Variants in IL1RAPL2 observed in about 807,000 individuals in gnomAD.
IL1RAPL2 encodes the protein X-linked interleukin-1 receptor accessory protein-like 2.
Under a neutral mutation model 44.1 loss-of-function variants are expected in IL1RAPL2, and 3 were observed. The ratio of observed to expected loss-of-function variants is 0.07; its 90% CI spans 0.03 to 0.18. The LOEUF (loss-of-function observed/expected upper bound fraction) is 0.18. Ranked by LOEUF, IL1RAPL2 falls within the 10% of genes least tolerant of loss-of-function variation. IL1RAPL2 has a pLI of 1.00. For synonymous variants in IL1RAPL2, 181 were observed against 178.8 expected, an observed-to-expected ratio of 1.01 and a Z score of -0.10; for missense variants, 391 against 496.4, an observed-to-expected ratio of 0.79 and a Z score of 2.02.
chrX:104,597,818 T>C (rs1426873927), intron 1 of IL1RAPL2, among the ~76,000 whole-genome samples: 1 of 111,936 alleles, frequency 8.9e-6, no homozygotes, highest in Non-Finnish European at 1.9e-5. Context: ...AGCAGGTTTT[T>C]TGGGGAAGGT....
chrX:104,875,582 G>A (rs1252566538), intron 2 of IL1RAPL2, among the ~76,000 whole-genome samples: 2 of 111,254 alleles, frequency 1.8e-5, no homozygotes, highest in African/African-American at 6.5e-5. Context: ...CCCATTCCCC[G>A]TAGTGCCTGA....
chrX:104,696,138 T>C (rs1434323327), intron 2 of IL1RAPL2, among the ~76,000 whole-genome samples: 1 of 110,913 alleles, frequency 9.0e-6, no homozygotes, highest in Admixed American at 9.5e-5. Flanking sequence ...CACTGAGGAG[T>C]GGGGAGTGTA....
rs923669750 is a variant in IL1RAPL2, at chrX:104,864,870, A to G, written c.82+205875A>G. ...TACTGGACACTGGCTCTGAGCTGAC[A>G]TTGATTCCAGAGGGACCCAGAATGT... On this transcript the variant is annotated intron_variant, in intron 2 of 10. Transcript: ENST00000372582. Among the ~76,000 whole-genome samples the G allele has an allele frequency of 1.1e-3, 3 of 2,712 alleles. No individual in the cohort carries two copies. The East Asian group carries it at 0.035, about 32-fold the overall frequency. The allele number at this position is 2,712 out of a possible 115,157, so 2.4% of individuals were successfully genotyped here. A position where few individuals can be genotyped will look rare whatever the true frequency, so the allele number is the denominator to read the frequency against.
intron 2 of IL1RAPL2, among the ~76,000 whole-genome samples, chrX:104,964,164 A>G (rs2030067139): frequency 9.0e-6 from 1 of 111,018 alleles, no homozygotes; most frequent in Non-Finnish European, 1.9e-5. Flanking sequence ...ATTCCTAAAC[A>G]AAAGCTTCAG....
intron 1 of IL1RAPL2, among the ~76,000 whole-genome samples, chrX:104,608,446 C>G (rs1602641394): frequency 9.1e-6 from 1 of 110,288 alleles, no homozygotes; most frequent in East Asian, 2.8e-4. Context: ...TTAAAGTTTC[C>G]CATTATTATT....
intron 2 of IL1RAPL2, among the ~76,000 whole-genome samples, chrX:104,799,458 T>C (rs1043901515): frequency 3.6e-5 from 4 of 110,988 alleles, no homozygotes; most frequent in African/African-American, 1.3e-4. Context: ...TTATGGAGCT[T>C]GGCAGGGGGA....
At chrX:105,467,952 G>A (rs1264062648) in intron 5 of IL1RAPL2, among the ~76,000 whole-genome samples, 2 of 111,679 alleles carry the variant, frequency 1.8e-5, no homozygotes, top group African/African-American at 6.5e-5. Flanking sequence ...GTCTAGTAGC[G>A]GTACCTAGAA....
intron 6 of IL1RAPL2, among the ~76,000 whole-genome samples, chrX:105,645,775 A>C (rs749294897): frequency 3.6e-5 from 4 of 111,871 alleles, no homozygotes; most frequent in Non-Finnish European, 7.5e-5. Context: ...GGTAGCTAAT[A>C]TTATGGTTGG....
At chrX:105,078,736 C>T (rs1243121116) in intron 2 of IL1RAPL2, among the ~76,000 whole-genome samples, 5 of 111,654 alleles carry the variant, frequency 4.5e-5, no homozygotes, top group African/African-American at 1.3e-4. Context: ...GCAATGCGGT[C>T]GCCCCTCCCC....
At chrX:105,486,003 C>T (rs1338470692) in intron 6 of IL1RAPL2, among the ~76,000 whole-genome samples, 1 of 111,542 alleles carries the variant, frequency 9.0e-6, no homozygotes, top group African/African-American at 3.3e-5. Context: ...CATATGGTAG[C>T]TCTATTTTTA....
At chrX:104,902,887 T>C (rs1247520540) in intron 2 of IL1RAPL2, among the ~76,000 whole-genome samples, 2 of 111,715 alleles carry the variant, frequency 1.8e-5, no homozygotes, top group African/African-American at 6.5e-5. Context: ...TAAATTGTGG[T>C]GTTCTGGGGG....
At chrX:104,866,083 C>T (rs1922606893) in intron 2 of IL1RAPL2, among the ~76,000 whole-genome samples, 1 of 111,986 alleles carries the variant, frequency 8.9e-6, no homozygotes, top group Non-Finnish European at 1.9e-5. Context: ...TTTCCAGTGG[C>T]TATTGAATGG....
intron 1 of IL1RAPL2, among the ~76,000 whole-genome samples, chrX:104,641,799 C>G (rs1490848402): frequency 4.5e-5 from 5 of 111,966 alleles, no homozygotes; most frequent in East Asian, 2.8e-4. Context: ...ACAGCACTGA[C>G]AGCCTGATAG....
intron 6 of IL1RAPL2, among the ~76,000 whole-genome samples, chrX:105,551,587 G>A (rs2036856304): frequency 9.0e-6 from 1 of 111,135 alleles, no homozygotes; most frequent in Non-Finnish European, 1.9e-5. Flanking sequence ...TATTGATAAG[G>A]CATATAAAGC....
intron 2 of IL1RAPL2, among the ~76,000 whole-genome samples, chrX:104,745,955 A>G (rs370098981): frequency 1.8e-5 from 2 of 111,876 alleles, no homozygotes; most frequent in Non-Finnish European, 3.8e-5. Flanking sequence ...TAGATGCTCA[A>G]TATAAATGTT....
At chrX:105,222,879 G>T (rs2033979532) in intron 3 of IL1RAPL2, among the ~76,000 whole-genome samples, 1 of 111,862 alleles carries the variant, frequency 8.9e-6, no homozygotes, top group Non-Finnish European at 1.9e-5. Flanking sequence ...GCCATGTGTG[G>T]TGGCTCACAC....
chrX:105,449,629 C>G (rs192631036), intron 5 of IL1RAPL2, among the ~76,000 whole-genome samples: 187 of 109,335 alleles, frequency 1.7e-3, no homozygotes, highest in Admixed American at 5.8e-3. Flanking sequence ...CACCTGTAGT[C>G]CCAGCTACTC....
At chrX:105,143,798 A>C (rs1434570671) in intron 2 of IL1RAPL2, among the ~76,000 whole-genome samples, 1 of 110,266 alleles carries the variant, frequency 9.1e-6, no homozygotes, top group African/African-American at 3.3e-5. Flanking sequence ...ATGAGAACAT[A>C]TGGACACAGG....
At chrX:104,887,175 T>A (rs748219457) in intron 2 of IL1RAPL2, among the ~76,000 whole-genome samples, 19 of 112,198 alleles carry the variant, frequency 1.7e-4, no homozygotes, top group Non-Finnish European at 2.8e-4. Flanking sequence ...TATAGTGAGA[T>A]GACTAGACCA....
Sources: allele counts gnomAD v4.1 joint callset (sites outside exome capture counted in the v4.1 genomes callset), GRCh38; gene constraint gnomAD v4.1.1; transcripts MANE v1.5; gene names NCBI Gene and HGNC (gene_info 2026-07-23, HGNC 2026-07-21).